Variants in SSBP3 observed in about 807,000 individuals in gnomAD.
SSBP3 encodes single stranded DNA binding protein 3, also known as single-stranded DNA-binding protein 3.
Under a neutral mutation model 69.6 loss-of-function variants are expected in SSBP3, and 5 were observed. That is an observed-to-expected ratio of 0.07 (90% CI 0.04 to 0.15). The LOEUF is 0.15. SSBP3 is among the 10% of genes least tolerant of loss of function. The probability of loss-of-function intolerance (pLI) is 1.00; values close to 1 mark genes in which losing one functional copy is unlikely to be tolerated. For synonymous variants in SSBP3, 196 were observed against 193.4 expected (o/e 1.01, Z -0.11); for missense variants, 312 against 534.0 (o/e 0.58, Z 4.10).
chr1:54,323,748 G>A (rs1646254843), intron 4 of SSBP3, among the ~76,000 whole-genome samples: 1 of 152,190 alleles, frequency 6.6e-6, no homozygotes, highest in Admixed American at 6.5e-5. Context: ...AAGGAGCAGA[G>A]GAAGGCTCTG....
chr1:54,277,090 A>G (rs376350630), intron 5 of SSBP3, among the ~76,000 whole-genome samples: 1 of 152,098 alleles, frequency 6.6e-6, no homozygotes, highest in African/African-American at 2.4e-5. Context: ...ACGGTCAATG[A>G]CAGTCATAAC....
intron 14 of SSBP3, among the ~76,000 whole-genome samples, chr1:54,236,005 A>G (rs1256483357): frequency 6.6e-6 from 1 of 152,156 alleles, no homozygotes; most frequent in Non-Finnish European, 1.5e-5. Context: ...CCCCTCTCCA[A>G]TCCAAGTGTG....
At chr1:54,307,905 C>T (rs1159296189) in intron 4 of SSBP3, among the ~76,000 whole-genome samples, 1 of 152,114 alleles carries the variant, frequency 6.6e-6, no homozygotes, top group Non-Finnish European at 1.5e-5. Context: ...ATCAGCAGCC[C>T]TCGGGGCTGC....
chr1:54,292,025 G>T (rs1003715141), intron 4 of SSBP3, among the ~76,000 whole-genome samples: 7 of 152,184 alleles, frequency 4.6e-5, no homozygotes, highest in Non-Finnish European at 1.0e-4. Flanking sequence ...TACCCACTAG[G>T]TGGGTGCTGA....
intron 6 of SSBP3, among the ~76,000 whole-genome samples, chr1:54,257,691 G>A (rs1644946523): frequency 6.6e-6 from 1 of 152,154 alleles, no homozygotes; most frequent in African/African-American, 2.4e-5. Flanking sequence ...TAATGCAGGG[G>A]AATGGCAGGA....
intron 4 of SSBP3, among the ~76,000 whole-genome samples, chr1:54,337,593 C>A (rs924106476): frequency 1.3e-5 from 2 of 148,570 alleles, no homozygotes; most frequent in African/African-American, 5.1e-5. Context: ...CCTCCGTCTC[C>A]CGGGTTCCAG....
intron 4 of SSBP3, among the ~76,000 whole-genome samples, chr1:54,341,434 G>C (rs946692195): frequency 2.6e-5 from 4 of 152,074 alleles, no homozygotes; most frequent in Admixed American, 2.6e-4. Flanking sequence ...TGATTATAAT[G>C]TTTATTTCCT....
intron 4 of SSBP3, among the ~76,000 whole-genome samples, chr1:54,359,266 G>A (rs1646916487): frequency 6.7e-6 from 1 of 150,298 alleles, no homozygotes; most frequent in Non-Finnish European, 1.5e-5. Context: ...GTTGGTGATG[G>A]TAATACCTGG....
At chr1:54,302,145 CTGTT>C (rs576004466) in intron 4 of SSBP3, among the ~76,000 whole-genome samples, 368 of 152,330 alleles carry the variant, frequency 2.4e-3, no homozygotes, top group African/African-American at 5.4e-3. Context: ...CATTCTGTGT[CTGTT>C]TGTGTGTCTT....
chr1:54,242,181 G>A, exon 11 of SSBP3: 1 of 1,613,664 alleles, frequency 6.2e-7, no homozygotes, highest in Non-Finnish European at 8.5e-7. Context: ...GCACTGTTAG[G>A]ATTGGGCCAG....
chr1:54,266,189 G>C (rs1645101143), intron 5 of SSBP3, among the ~76,000 whole-genome samples: 1 of 152,180 alleles, frequency 6.6e-6, no homozygotes, highest in Non-Finnish European at 1.5e-5. Context: ...GATCTCATTG[G>C]TTCCAGGTCC....
chr1:54,373,489 C>T (rs909710038), intron 4 of SSBP3, among the ~76,000 whole-genome samples: 3 of 152,212 alleles, frequency 2.0e-5, no homozygotes, highest in South Asian at 2.1e-4. Flanking sequence ...ACAGGCTGGG[C>T]GCAGTGGCTC....
At chr1:54,369,161 T>C (rs1409122638) in intron 4 of SSBP3, among the ~76,000 whole-genome samples, 1 of 147,894 alleles carries the variant, frequency 6.8e-6, no homozygotes, top group African/African-American at 2.5e-5. Context: ...CCTTCCAAAC[T>C]GCGACCGTTG....
At chr1:54,243,957 T>C (rs939947782) in intron 9 of SSBP3, among the ~76,000 whole-genome samples, 7 of 152,168 alleles carry the variant, frequency 4.6e-5, no homozygotes, top group African/African-American at 1.4e-4. Context: ...TGAGATAGCG[T>C]CTTGCTCTGT....
intron 4 of SSBP3, among the ~76,000 whole-genome samples, chr1:54,400,270 A>C (rs1478125775): frequency 6.6e-6 from 1 of 152,202 alleles, no homozygotes; most frequent in East Asian, 1.9e-4. Context: ...CTACATCAAG[A>C]GAGTGAAAGA....
At chr1:54,238,316 C>T (rs1644536712) in intron 14 of SSBP3, 1 of 470,998 alleles carries the variant, frequency 2.1e-6, no homozygotes, top group Non-Finnish European at 4.4e-6. Flanking sequence ...CACTTTAGGG[C>T]CCCAGGCCCA....
Position 54,392,002 on chromosome 1 carries a change from T to C in SSBP3, c.276+9859A>G, listed in dbSNP as rs188389471. Among the ~76,000 whole-genome samples, 288 of 151,096 alleles carry C rather than the reference T, an allele frequency of 1.9e-3. 2 individuals carry two copies. The highest frequency in any genetic ancestry group is 3.1e-3 in the Non-Finnish European group (208 of 67,892). The stretch of plus-strand genomic sequence containing the variant: ...ACATGGACTCCGCTATTAAGAAGAG[T>C]GTCCCTGCGCTCTCAGGCCCTCTCC... On this transcript the variant is annotated intron_variant, in intron 4 of 17. Transcript: ENST00000610401.
intron 4 of SSBP3, among the ~76,000 whole-genome samples, chr1:54,306,754 G>A (rs1645908282): frequency 6.6e-6 from 1 of 152,046 alleles, no homozygotes; most frequent in African/African-American, 2.4e-5. Context: ...TATAATTCCA[G>A]GAGTTCGAAA....
At chr1:54,339,198 G>A (rs993908811) in intron 4 of SSBP3, among the ~76,000 whole-genome samples, 1 of 152,182 alleles carries the variant, frequency 6.6e-6, no homozygotes, top group Non-Finnish European at 1.5e-5. Context: ...AGGAAATGGG[G>A]GAGAAGGGGG....
Sources: gnomAD v4.1 joint callset for allele counts (sites outside exome capture counted in the v4.1 genomes callset) on GRCh38, gnomAD v4.1.1 for gene constraint, MANE v1.5 for transcripts, NCBI Gene and HGNC (gene_info 2026-07-23, HGNC 2026-07-21) for gene names.